Variants in PUM1 observed in about 807,000 individuals in gnomAD.
PUM1 encodes pumilio homolog 1.
Under a neutral mutation model 131.8 loss-of-function variants are expected in PUM1, and 13 were observed. That is an observed-to-expected ratio of 0.10 (90% CI 0.06 to 0.16). The LOEUF (loss-of-function observed/expected upper bound fraction) is 0.16. Among genes scored for constraint, PUM1 ranks in the 10% least tolerant of loss-of-function variants. PUM1 has a pLI of 1.00. For missense variants in PUM1, 961 were observed against 1,512.4 expected (o/e 0.64, Z 6.05); for synonymous variants, 509 against 556.5 (o/e 0.91, Z 1.20).
At chr1:30,981,830 C>T (rs1641369197) in intron 7 of PUM1, 1 of 152,636 alleles carries the variant, frequency 6.6e-6, no homozygotes, top group Non-Finnish European at 1.5e-5. Context: ...GACAAATGTA[C>T]TACCAACTGA....
intron 20 of PUM1, among the ~76,000 whole-genome samples, chr1:30,938,880 T>C (rs567596342): frequency 1.3e-5 from 1 of 78,316 alleles, no homozygotes; most frequent in Non-Finnish European, 2.4e-5. Flanking sequence ...TAGATAGAGA[T>C]AGATAGATAG....
In PUM1 at chr1:30,941,264, A is replaced by G. The variant is rs146990567; in HGVS notation, c.3129T>C (p.Tyr1043=). The stretch of plus-strand genomic sequence containing the variant: ...GTACATGTTGGATTACATAATTTCC[A>G]TATTGATCCTGTTTGAGAAACAGTA... ...QHTEQLVQDQ[Y]GNYVIQHVLE... The change falls in exon 20 of 22, where the codon TAT becomes TAC. Residue 1043 remains tyrosine, a synonymous_variant. Coordinates refer to ENST00000426105, the MANE Select transcript of PUM1 (RefSeq NM_001020658.2). 32 of 1,611,244 alleles carry G rather than the reference A, an allele frequency of 2.0e-5. No homozygotes were observed. Among genetic ancestry groups the G allele is most frequent in the Non-Finnish European group, 2.5e-5 (30 of 1,178,474 alleles).
chr1:31,055,224 C>A (rs1182640062), intron 2 of PUM1: 1 of 410,680 alleles, frequency 2.4e-6, no homozygotes, highest in Non-Finnish European at 4.8e-6. Context: ...AATTATGCTA[C>A]CCTTAGCACA....
chr1:30,975,517 A>ATTTTT lies in PUM1; in HGVS notation c.1355-720_1355-716dup, dbSNP rs751510345. Among the ~76,000 whole-genome samples the ATTTTT allele has an allele frequency of 9.3e-4, 78 of 84,152 alleles. 3 individuals carry two copies. Among genetic ancestry groups the ATTTTT allele is most frequent in the African/African-American group, 2.3e-3 (51 of 22,200 alleles). The allele number at this position is 84,152 out of a possible 152,430, so 55.2% of individuals were successfully genotyped here. A position where few individuals can be genotyped will look rare whatever the true frequency, so the allele number is the denominator to read the frequency against. On this transcript the variant is annotated intron_variant, in intron 9 of 21. Coordinates refer to ENST00000426105, the MANE Select transcript of PUM1 (RefSeq NM_001020658.2). ...AGATGCATGCCACTATACCTGACTAATTTTTTTTTTTTTTTTTTTTTTTTT... is the reference window on the plus strand; with the variant it reads ...AGATGCATGCCACTATACCTGACTAATTTTTTTTTTTTTTTTTTTTTTTTTTTTTT...
chr1:31,018,568 G>C (rs554627420), intron 3 of PUM1, among the ~76,000 whole-genome samples: 1 of 152,244 alleles, frequency 6.6e-6, no homozygotes, highest in South Asian at 2.1e-4. Flanking sequence ...TGAGACAGGA[G>C]AATTGCTTGA....
At chr1:31,038,203 T>TAA (rs901692691) in intron 2 of PUM1, among the ~76,000 whole-genome samples, 3 of 142,658 alleles carry the variant, frequency 2.1e-5, no homozygotes, top group African/African-American at 5.1e-5. Context: ...AGCTAAAGGT[T>TAA]AAAAAAAAAA....
intron 3 of PUM1, among the ~76,000 whole-genome samples, chr1:31,023,861 G>A (rs755372348): frequency 2.0e-5 from 3 of 149,166 alleles, no homozygotes; most frequent in East Asian, 2.1e-4. Context: ...CCCGGGAGGC[G>A]GAATTTGCAG....
chr1:30,981,401 A>G lies in PUM1; in HGVS notation c.1163T>C (p.Phe388Ser). 6.3e-7 allele frequency: 1 copy of G among 1,594,268 alleles called. No homozygotes were observed. The highest frequency in any genetic ancestry group is 8.6e-7 in the Non-Finnish European group (1 of 1,166,270). Reference protein sequence around the residue: ...LFDYNSQQQLFQRPNALAVQQ... With the variant: ...LFDYNSQQQLSQRPNALAVQQ... Reference sequence around the variant, plus strand: ...GACAGCAAGCGCATTAGGTCTTTGGAACAGCTGAGGCAAGAGGAAAAACAC... The same window carrying G: ...GACAGCAAGCGCATTAGGTCTTTGGGACAGCTGAGGCAAGAGGAAAAACAC... The change falls in exon 8 of 22, where the codon TTC (phenylalanine) becomes TCC (serine). Residue 388 changes from phenylalanine to serine, a missense_variant. Transcript: ENST00000426105.
intron 1 of PUM1, among the ~76,000 whole-genome samples, chr1:31,065,001 G>C (rs975897201): frequency 2.0e-5 from 3 of 152,090 alleles, no homozygotes; most frequent in Non-Finnish European, 4.4e-5. Flanking sequence ...AAAAACACAA[G>C]CTCACACGGA....
rs758178234 is a variant in PUM1 at position 30,992,570 on chromosome 1, G to A, written c.978C>T (p.Thr326=). The A allele has an allele frequency of 5.6e-6, 9 of 1,614,186 alleles. No individual in the cohort carries two copies. In the Admixed American group the frequency reaches 1.2e-4, roughly 21 times the overall value. ...CCACAGGCTTGGCACCATTGGTGCT[G>A]GTCAGCTGGGCTAAGCCCTCAGAAC... ...QNGSEGLAQL[T]STNGAKPVED... is the part of the protein sequence containing the mutation. Residue 326 remains threonine (T), a synonymous_variant, in exon 7 of 22, where the codon ACC becomes ACT. Transcript: ENST00000426105.
At chr1:31,010,482 C>T (rs986083600) in intron 3 of PUM1, among the ~76,000 whole-genome samples, 8 of 152,180 alleles carry the variant, frequency 5.3e-5, no homozygotes, top group African/African-American at 1.9e-4. Context: ...CTGATGATGA[C>T]TGCTGCTATG....
In PUM1 at chr1:30,964,865, G is replaced by C; in HGVS notation, c.2132C>G (p.Thr711Ser). ...TGSGSRRDSLTGSSDLYKRTS... is the reference protein window; with the variant it reads ...TGSGSRRDSLSGSSDLYKRTS... ...CCTCTTATAAAGGTCACTGCTGCCA[G>C]TCAGGGAGTCACGGCGGGAGCCACT... Residue 711 changes from threonine (T) to serine (S), a missense_variant, in exon 14 of 22, where the codon ACT (threonine) becomes AGT (serine). Physicochemically the swap from Thr to Ser is moderately conservative, Grantham distance 58. Around this residue, in one of 4 missense-constraint regions of PUM1, gnomAD observed 654 missense variants for 923.9 expected, o/e 0.71. Coordinates refer to ENST00000426105, the MANE Select transcript of PUM1 (RefSeq NM_001020658.2). 1 of 1,614,168 alleles carries C rather than the reference G, an allele frequency of 6.2e-7. No homozygotes were observed. Among genetic ancestry groups the C allele is most frequent in the Non-Finnish European group, 8.5e-7 (1 of 1,180,022 alleles).
chr1:30,969,022 G>A (rs1640748244), intron 10 of PUM1, among the ~76,000 whole-genome samples: 2 of 152,128 alleles, frequency 1.3e-5, no homozygotes, highest in Non-Finnish European at 2.9e-5. Flanking sequence ...GAGTGTAACA[G>A]GCCAGGCGTG....
chr1:30,971,863 ATTACT>A (rs1372325075), intron 10 of PUM1, among the ~76,000 whole-genome samples: 1 of 152,224 alleles, frequency 6.6e-6, no homozygotes, highest in Non-Finnish European at 1.5e-5. Context: ...AAACATGGTA[ATTACT>A]TTAGTCTTCC....
At chr1:31,038,887 C>G (rs1050123798) in intron 2 of PUM1, among the ~76,000 whole-genome samples, 1 of 142,034 alleles carries the variant, frequency 7.0e-6, no homozygotes, top group Non-Finnish European at 1.5e-5. Flanking sequence ...TGGAAACAGT[C>G]TAAATACAGC....
Position 30,966,183 on chromosome 1 carries a change from G to T in PUM1, c.1885C>A (p.Gln629Lys). ...TTGGGCTGCTGCTGGGGCTGGGGCT[G>T]AGGCTGCTGTGTTCCTAAAGGGCGA... The part of the protein sequence containing the change: ...PFRPLGTQQP[Q>K]PQPQQQPNNN... The change falls in exon 13 of 22, where the codon CAG becomes AAG. Residue 629 changes from glutamine to lysine, a missense_variant. Gln to Lys is a moderately conservative substitution (Grantham distance 53, BLOSUM62 1). This residue lies in a region of PUM1 where 654 missense variants were observed against 923.9 expected (regional missense o/e 0.71). Transcript: ENST00000426105. The T allele has an allele frequency of 6.2e-7, 1 of 1,614,118 alleles. No individual in the cohort carries two copies. The highest frequency in any genetic ancestry group is 8.5e-7 in the Non-Finnish European group (1 of 1,180,012).
chr1:31,030,165 C>T (rs1269683947), intron 2 of PUM1, among the ~76,000 whole-genome samples: 3 of 151,792 alleles, frequency 2.0e-5, no homozygotes, highest in African/African-American at 7.2e-5. Context: ...GCCAAGATCG[C>T]GCCATTGCAC....
chr1:31,037,034 C>A, intron 2 of PUM1: 1 of 160,784 alleles, frequency 6.2e-6, no homozygotes, highest in South Asian at 1.7e-4. Flanking sequence ...AGATACCAAC[C>A]AGTGTATTGT....
chr1:30,975,932 T>C (rs111948458), intron 9 of PUM1, among the ~76,000 whole-genome samples: 3,387 of 151,478 alleles, frequency 0.022, 85 homozygotes, highest in African/African-American at 0.065. Flanking sequence ...AAAAAATATA[T>C]AAAAAATTAG....
Sources: gnomAD v4.1 joint callset for allele counts (sites outside exome capture counted in the v4.1 genomes callset) on GRCh38, gnomAD v4.1.1 for gene constraint, gnomAD v4.1.1 regional missense constraint, MANE v1.5 for transcripts, NCBI Gene and HGNC (gene_info 2026-07-23, HGNC 2026-07-21) for gene names.